ATG10: variants seen among roughly 807,000 people sequenced by gnomAD.
ATG10 encodes the protein autophagy related 10.
ATG10 carries 30 observed loss-of-function variants against 32.1 expected under a neutral mutation model. The ratio of observed to expected loss-of-function variants is 0.94; its 90% CI spans 0.70 to 1.27. The LOEUF (loss-of-function observed/expected upper bound fraction) is 1.27, where lower values mean the gene tolerates loss of function less well. Ranked by LOEUF, ATG10 falls within the 50% of genes most tolerant of loss-of-function variation. The pLI, the probability that ATG10 is intolerant of heterozygous loss-of-function variation, is 0.00. For synonymous variants in ATG10, 87 were observed against 91.5 expected (o/e 0.95, Z 0.28); for missense variants, 233 against 262.3 (o/e 0.89, Z 0.77).
intron 3 of ATG10, among the ~76,000 whole-genome samples, chr5:82,144,915 G>A (rs2149871528): frequency 6.6e-6 from 1 of 152,096 alleles, no homozygotes; most frequent in Non-Finnish European, 1.5e-5. Context: ...TTGTGGACTT[G>A]TCTATTTCTT....
intron 5 of ATG10, chr5:82,242,872 A>G (rs576702632): frequency 6.7e-6 from 3 of 448,312 alleles, no homozygotes; most frequent in Admixed American, 2.5e-5. Flanking sequence ...GCTGACACAT[A>G]GGGAAAAATG....
At chr5:81,981,832 T>C (rs1761055734) in intron 1 of ATG10, among the ~76,000 whole-genome samples, 1 of 152,166 alleles carries the variant, frequency 6.6e-6, no homozygotes, top group African/African-American at 2.4e-5. Flanking sequence ...TTAAACAGTA[T>C]GGAGAGTGGT....
At chr5:82,062,153 C>T (rs1169905325) in intron 3 of ATG10, among the ~76,000 whole-genome samples, 1 of 151,914 alleles carries the variant, frequency 6.6e-6, no homozygotes, top group Non-Finnish European at 1.5e-5. Flanking sequence ...AGTTTATTTT[C>T]TACTAGAATA....
At chr5:82,144,932 G>T (rs1442539755) in intron 3 of ATG10, among the ~76,000 whole-genome samples, 2 of 151,872 alleles carry the variant, frequency 1.3e-5, no homozygotes, top group Non-Finnish European at 2.9e-5. Flanking sequence ...TCTTCTTTTA[G>T]TTCTGTCAAT....
chr5:82,000,829 G>C (rs1261173838), intron 2 of ATG10, among the ~76,000 whole-genome samples: 2 of 152,104 alleles, frequency 1.3e-5, no homozygotes, highest in Non-Finnish European at 2.9e-5. Flanking sequence ...GCTAATTTTT[G>C]TATTTTCAGT....
At chr5:82,004,016 C>T (rs1761920965) in intron 2 of ATG10, among the ~76,000 whole-genome samples, 1 of 152,082 alleles carries the variant, frequency 6.6e-6, no homozygotes, top group Admixed American at 6.6e-5. Context: ...AGTGGGGGCA[C>T]CTGTAATCCC....
intron 5 of ATG10, among the ~76,000 whole-genome samples, chr5:82,207,554 C>A (rs1196321666): frequency 6.6e-6 from 1 of 152,058 alleles, no homozygotes; most frequent in Non-Finnish European, 1.5e-5. Flanking sequence ...GTATATATAG[C>A]AAATAGCTTT....
At chr5:82,245,549 C>T (rs1015756442) in intron 5 of ATG10, among the ~76,000 whole-genome samples, 1 of 152,148 alleles carries the variant, frequency 6.6e-6, no homozygotes, top group African/African-American at 2.4e-5. Context: ...ACAAGATTAA[C>T]CACATTTTTC....
chr5:82,060,114 T>G (rs1162018194), intron 3 of ATG10, among the ~76,000 whole-genome samples: 1 of 152,188 alleles, frequency 6.6e-6, no homozygotes, highest in Non-Finnish European at 1.5e-5. Context: ...TTTAAAGATG[T>G]GCACATACTA....
intron 2 of ATG10, among the ~76,000 whole-genome samples, chr5:82,040,484 T>C (rs1046613991): frequency 1.3e-5 from 2 of 152,152 alleles, no homozygotes; most frequent in Admixed American, 1.3e-4. Context: ...ATGTTAAAAA[T>C]ATCAATATTT....
chr5:82,122,206 G>A (rs72776876), intron 3 of ATG10, among the ~76,000 whole-genome samples: 4 of 151,864 alleles, frequency 2.6e-5, no homozygotes, highest in East Asian at 3.9e-4. Flanking sequence ...TTCTTCCTGC[G>A]TCAGTGTTGG....
intron 5 of ATG10, among the ~76,000 whole-genome samples, chr5:82,249,816 A>G (rs1313559209): frequency 6.6e-6 from 1 of 152,202 alleles, no homozygotes; most frequent in African/African-American, 2.4e-5. Context: ...GCATCAAATG[A>G]GCAGAGCTGC....
intron 5 of ATG10, among the ~76,000 whole-genome samples, chr5:82,248,853 A>C (rs1168586417): frequency 1.2e-4 from 18 of 151,808 alleles, no homozygotes; most frequent in Admixed American, 1.1e-3. Context: ...TTTATTAATA[A>C]ATTTAAACTT....
chr5:82,000,350 C>T (rs1365188876), intron 2 of ATG10, among the ~76,000 whole-genome samples: 3 of 152,206 alleles, frequency 2.0e-5, no homozygotes, highest in Non-Finnish European at 4.4e-5. Context: ...GACAAACCCA[C>T]AGCCAACATC....
intron 5 of ATG10, among the ~76,000 whole-genome samples, chr5:82,183,380 G>A (rs1157673362): frequency 6.7e-6 from 1 of 149,248 alleles, no homozygotes; most frequent in Non-Finnish European, 1.5e-5. Flanking sequence ...GTTCTGTAGT[G>A]TTTTGCAGTC....
chr5:82,223,726 A>G (rs921875750), intron 5 of ATG10, among the ~76,000 whole-genome samples: 3 of 152,236 alleles, frequency 2.0e-5, no homozygotes, highest in Admixed American at 2.0e-4. Flanking sequence ...AGTCTTATAT[A>G]GATGTTACAG....
intron 5 of ATG10, among the ~76,000 whole-genome samples, chr5:82,187,536 G>A (rs1744499629): frequency 7.0e-6 from 1 of 142,942 alleles, no homozygotes; most frequent in Non-Finnish European, 1.5e-5. Flanking sequence ...AAAAAAAAAA[G>A]CATATGAAAC....
chr5:82,231,823 A>G (rs1165673451), intron 5 of ATG10, among the ~76,000 whole-genome samples: 2 of 152,190 alleles, frequency 1.3e-5, no homozygotes, highest in Non-Finnish European at 2.9e-5. Context: ...GCAGAAAGGA[A>G]AAAAACTGTC....
intron 4 of ATG10, among the ~76,000 whole-genome samples, chr5:82,174,389 C>T (rs1484437626): frequency 6.6e-6 from 1 of 152,254 alleles, no homozygotes; most frequent in East Asian, 1.9e-4. Flanking sequence ...AAATTATATA[C>T]TTTTGCCAAC....
Sources: gnomAD v4.1 joint callset for allele counts (sites outside exome capture counted in the v4.1 genomes callset) on GRCh38, gnomAD v4.1.1 for gene constraint, MANE v1.5 for transcripts, NCBI Gene and HGNC (gene_info 2026-07-23, HGNC 2026-07-21) for gene names.